The following ANKS1B variants were observed in gnomAD, a reference collection of about 807,000 sequenced individuals.
ANKS1B encodes the protein ankyrin repeat and sterile alpha motif domain-containing protein 1B.
In ANKS1B, 36 loss-of-function variants were observed where a neutral mutation model predicts 148.3. The ratio of observed to expected loss-of-function variants is 0.24; its 90% confidence interval spans 0.19 to 0.32. The LOEUF is 0.32. Ranked by LOEUF, ANKS1B falls within the 10% of genes least tolerant of loss-of-function variation. ANKS1B has a pLI of 1.00. For synonymous variants in ANKS1B, 542 were observed against 560.8 expected (o/e 0.97, Z 0.47); for missense variants, 1,157 against 1,542.6 (o/e 0.75, Z 4.19).
intron 26 of ANKS1B, among the ~76,000 whole-genome samples, chr12:98,746,977 T>C (rs1365980454): frequency 2.0e-5 from 3 of 152,118 alleles, no homozygotes; most frequent in Non-Finnish European, 2.9e-5. Flanking sequence ...GAAGAAAACA[T>C]TGGGGAAACA....
At chr12:98,734,795 A>T (rs1293983376) in exon 10 of ANKS1B, 2 of 178,652 alleles carry the variant, frequency 1.1e-5, no homozygotes, top group Non-Finnish European at 2.4e-5. Context: ...GTCTCCTTAG[A>T]ATACCCAAAT....
chr12:99,526,027 G>A (rs7964102), intron 9 of ANKS1B, among the ~76,000 whole-genome samples: 32,722 of 151,918 alleles, frequency 0.22, 3,576 homozygotes, highest in South Asian at 0.25. Context: ...ACAGGCAGTT[G>A]TAAAAATAGC....
chr12:99,002,628 T>C (rs1336315430), intron 17 of ANKS1B, among the ~76,000 whole-genome samples: 1 of 152,184 alleles, frequency 6.6e-6, no homozygotes, highest in Non-Finnish European at 1.5e-5. Context: ...GTTGGCCATT[T>C]GTATGTCTTC....
At chr12:99,888,785 G>T (rs1431306733) in intron 1 of ANKS1B, among the ~76,000 whole-genome samples, 2 of 152,132 alleles carry the variant, frequency 1.3e-5, no homozygotes, top group African/African-American at 4.8e-5. Context: ...CATTCTAAAT[G>T]TATTATTGGA....
At chr12:99,389,231 G>A (rs1392302252) in intron 12 of ANKS1B, among the ~76,000 whole-genome samples, 1 of 152,216 alleles carries the variant, frequency 6.6e-6, no homozygotes, top group East Asian at 1.9e-4. Flanking sequence ...GCTCACTGTG[G>A]CATGACACCT....
At chr12:98,803,904 G>T (rs1404544069) in intron 20 of ANKS1B, among the ~76,000 whole-genome samples, 1 of 152,018 alleles carries the variant, frequency 6.6e-6, no homozygotes, top group African/African-American at 2.4e-5. Context: ...AAATATTTAC[G>T]TCATCCACAT....
At chr12:99,262,906 T>G (rs1214460579) in intron 12 of ANKS1B, among the ~76,000 whole-genome samples, 1 of 152,056 alleles carries the variant, frequency 6.6e-6, no homozygotes, top group Non-Finnish European at 1.5e-5. Context: ...ATTACTTTTA[T>G]GTTACCGAAA....
chr12:98,839,648 C>T (rs547712451), intron 17 of ANKS1B, among the ~76,000 whole-genome samples: 3 of 152,320 alleles, frequency 2.0e-5, no homozygotes, highest in Admixed American at 2.0e-4. Context: ...ATGGATATCT[C>T]TGGGTAGATT....
At chr12:99,239,243 A>G (rs1450726346) in intron 14 of ANKS1B, among the ~76,000 whole-genome samples, 2 of 152,214 alleles carry the variant, frequency 1.3e-5, no homozygotes, top group African/African-American at 2.4e-5. Context: ...GGAACTGAAA[A>G]CCAAAGCACA....
chr12:99,065,638 C>CCAT (rs1379959845), intron 16 of ANKS1B, among the ~76,000 whole-genome samples: 208 of 41,876 alleles, frequency 5.0e-3, no homozygotes, highest in Middle Eastern at 0.012. Flanking sequence ...ATCCATCCAT[C>CCAT]CCATCCATCC....
chr12:99,420,996 T>C (rs1020316205), intron 11 of ANKS1B, among the ~76,000 whole-genome samples: 1 of 152,216 alleles, frequency 6.6e-6, no homozygotes, highest in Non-Finnish European at 1.5e-5. Context: ...CTAATGTCGG[T>C]ATTTACAGTT....
intron 1 of ANKS1B, among the ~76,000 whole-genome samples, chr12:99,904,813 G>A (rs753330787): frequency 1.4e-4 from 22 of 152,090 alleles, no homozygotes; most frequent in African/African-American, 1.9e-4. Context: ...CAAAACTACC[G>A]AGTTGGATCA....
intron 9 of ANKS1B, among the ~76,000 whole-genome samples, chr12:99,591,549 G>GA (rs2097703341): frequency 6.6e-6 from 1 of 151,418 alleles, no homozygotes; most frequent in Middle Eastern, 3.2e-3. Context: ...AGCTTCTAGG[G>GA]TAACTATTTT....
intron 17 of ANKS1B, among the ~76,000 whole-genome samples, chr12:99,001,984 T>C (rs1331706768): frequency 2.0e-5 from 3 of 152,226 alleles, no homozygotes; most frequent in African/African-American, 7.2e-5. Flanking sequence ...CAGGATTTTC[T>C]TCTTTTTTTA....
At chr12:99,375,359 T>C (rs1421246834) in intron 12 of ANKS1B, among the ~76,000 whole-genome samples, 31 of 152,208 alleles carry the variant, frequency 2.0e-4, no homozygotes, top group Admixed American at 2.0e-3. Context: ...TATAAGGGCA[T>C]TGGTTTTTAA....
At chr12:98,922,521 CAG>C (rs534826994) in intron 17 of ANKS1B, among the ~76,000 whole-genome samples, 17 of 152,228 alleles carry the variant, frequency 1.1e-4, no homozygotes, top group African/African-American at 3.4e-4. Flanking sequence ...TTTTTTGAGA[CAG>C]AGTCTTGCTG....
chr12:98,737,069 A>T (rs2097777142), intron 9 of ANKS1B, among the ~76,000 whole-genome samples: 1 of 152,180 alleles, frequency 6.6e-6, no homozygotes, highest in African/African-American at 2.4e-5. Flanking sequence ...CTCCTGAAGC[A>T]CTTATCTCAT....
At chr12:99,223,955 G>A (rs2085494897) in intron 14 of ANKS1B, among the ~76,000 whole-genome samples, 1 of 152,204 alleles carries the variant, frequency 6.6e-6, no homozygotes. Flanking sequence ...GAATTTCTCT[G>A]TTCCTGTTTT....
intron 2 of ANKS1B, among the ~76,000 whole-genome samples, chr12:99,824,181 T>C (rs188379131): frequency 1.5e-3 from 229 of 152,286 alleles, no homozygotes; most frequent in South Asian, 2.3e-3. Flanking sequence ...AGATTGTAAC[T>C]AGCACTTTTA....
Sources: gnomAD v4.1 joint callset for allele counts (sites outside exome capture counted in the v4.1 genomes callset) on GRCh38, gnomAD v4.1.1 for gene constraint, MANE v1.5 for transcripts, NCBI Gene and HGNC (gene_info 2026-07-23, HGNC 2026-07-21) for gene names.